KCNMA1: variants seen among roughly 807,000 people sequenced by gnomAD.
KCNMA1 encodes Calcium-activated potassium channel subunit alpha-1.
In KCNMA1, 29 loss-of-function variants were observed where a neutral mutation model predicts 140.0. The observed-to-expected ratio is 0.21, with a 90% confidence interval of 0.15 to 0.28. The LOEUF (loss-of-function observed/expected upper bound fraction) is 0.28, where lower values mean the gene tolerates loss of function less well. Ranked by LOEUF, KCNMA1 falls within the 10% of genes least tolerant of loss-of-function variation. KCNMA1 has a pLI of 1.00. For synonymous variants in KCNMA1, 612 were observed against 611.9 expected, an observed-to-expected ratio of 1.00 and a Z score of 0.00; for missense variants, 880 against 1,602.2, an observed-to-expected ratio of 0.55 and a Z score of 7.70.
intron 2 of KCNMA1, among the ~76,000 whole-genome samples, chr10:77,267,298 C>G (rs1247187434): frequency 6.6e-6 from 1 of 152,080 alleles, no homozygotes; most frequent in Non-Finnish European, 1.5e-5. Flanking sequence ...AGGGAGGACC[C>G]ACTGTCTTCA....
chr10:77,125,319 T>C (rs891374999), intron 5 of KCNMA1, among the ~76,000 whole-genome samples: 1 of 152,192 alleles, frequency 6.6e-6, no homozygotes, highest in East Asian at 1.9e-4. Flanking sequence ...ACCAGCACTA[T>C]CTCCTTTTGG....
intron 1 of KCNMA1, among the ~76,000 whole-genome samples, chr10:77,621,069 G>A (rs186500317): frequency 9.1e-4 from 139 of 152,284 alleles, no homozygotes; most frequent in Admixed American, 1.4e-3. Flanking sequence ...TTCCATGCAC[G>A]GGGTTTGGCA....
chr10:77,304,681 C>G (rs529967772), intron 2 of KCNMA1: 1 of 152,196 alleles, frequency 6.6e-6, no homozygotes, highest in East Asian at 1.9e-4. Context: ...CTTGGTCGTT[C>G]GAAGCCCCTG....
chr10:77,362,694 T>C (rs77867682), intron 2 of KCNMA1, among the ~76,000 whole-genome samples: 1 of 152,144 alleles, frequency 6.6e-6, no homozygotes, highest in Non-Finnish European at 1.5e-5. Flanking sequence ...GACACTAGAA[T>C]TGCTGCCAGT....
intron 1 of KCNMA1, among the ~76,000 whole-genome samples, chr10:77,523,669 G>A (rs891753401): frequency 6.6e-6 from 1 of 152,214 alleles, no homozygotes; most frequent in Non-Finnish European, 1.5e-5. Flanking sequence ...GTTCAGTTTT[G>A]AATATGCATA....
intron 5 of KCNMA1, among the ~76,000 whole-genome samples, chr10:77,135,023 A>AAAAAAAAAAAAAAAAAAAAAAC (rs2097968833): frequency 6.9e-6 from 1 of 145,482 alleles, no homozygotes; most frequent in Non-Finnish European, 1.5e-5. Flanking sequence ...AAAAAAAAAA[A>AAAAAAAAAAAAAAAAAAAAAAC]AAAAAGGAAG....
intron 1 of KCNMA1, among the ~76,000 whole-genome samples, chr10:77,419,255 G>C (rs546548984): frequency 6.6e-6 from 1 of 152,192 alleles, no homozygotes; most frequent in Non-Finnish European, 1.5e-5. Context: ...GCCCTGCAGA[G>C]CAGAGGGACC....
chr10:77,207,377 T>A (rs956409823), intron 3 of KCNMA1, among the ~76,000 whole-genome samples: 2 of 152,242 alleles, frequency 1.3e-5, no homozygotes, highest in Non-Finnish European at 2.9e-5. Context: ...CTCTAGTTCC[T>A]ATTACTAACC....
chr10:77,102,791 G>A (rs2097128233), intron 9 of KCNMA1, among the ~76,000 whole-genome samples: 1 of 152,184 alleles, frequency 6.6e-6, no homozygotes, highest in Non-Finnish European at 1.5e-5. Flanking sequence ...CTCAGTTGCA[G>A]AATCTTAGTC....
intron 1 of KCNMA1, among the ~76,000 whole-genome samples, chr10:77,437,564 G>T (rs1336836080): frequency 6.6e-6 from 1 of 152,098 alleles, no homozygotes. Flanking sequence ...TCACCAAGGG[G>T]AACTTGGTTT....
intron 1 of KCNMA1, among the ~76,000 whole-genome samples, chr10:77,471,749 TCCA>T (rs2098160674): frequency 6.8e-6 from 1 of 147,488 alleles, no homozygotes; most frequent in Non-Finnish European, 1.5e-5. Flanking sequence ...ACACGCATTG[TCCA>T]CACACCATCC....
intron 23 of KCNMA1, among the ~76,000 whole-genome samples, chr10:76,932,194 C>A (rs1220272170): frequency 6.6e-6 from 1 of 152,076 alleles, no homozygotes; most frequent in Non-Finnish European, 1.5e-5. Flanking sequence ...TTTTTCCCAG[C>A]AGATGACAGA....
At position 77,514,620 on chromosome 10, in the gene KCNMA1, C is replaced by T. The variant is rs147797890; in HGVS notation, c.379-110597G>A. Among the ~76,000 whole-genome samples, 559 of 152,248 alleles carry T rather than the reference C, an allele frequency of 3.7e-3. 2 individuals carry two copies. Among genetic ancestry groups the T allele is most frequent in the Admixed American group, 7.1e-3 (109 of 15,298 alleles). On this transcript the variant is annotated intron_variant, in intron 1 of 27. Coordinates refer to ENST00000286628, the MANE Select transcript of KCNMA1 (RefSeq NM_001161352.2). ...AAGGGACCCTGTATTACTGGGTATG[C>T]GGAGAGAGAACCATCTCAGACATTT...
chr10:77,287,574 C>T (rs557315506), intron 2 of KCNMA1, among the ~76,000 whole-genome samples: 1 of 152,218 alleles, frequency 6.6e-6, no homozygotes, highest in East Asian at 1.9e-4. Context: ...AAAGCCAAAA[C>T]TCTAAACACC....
chr10:77,142,854 T>A (rs2098211215), intron 5 of KCNMA1, among the ~76,000 whole-genome samples: 1 of 152,202 alleles, frequency 6.6e-6, no homozygotes, highest in Non-Finnish European at 1.5e-5. Context: ...AAAAATACAA[T>A]TTTCTCCAAC....
chr10:77,039,510 C>T lies in KCNMA1; in HGVS notation c.1859+18G>A. On this transcript the variant is annotated intron_variant, in intron 15 of 27. Transcript: ENST00000286628. Reference sequence around the variant, plus strand: ...ATATCCCTGAAAGCCAAAGAGCATCCAGTTAAAGGTCACTTACTCACAAAC... The same window carrying T: ...ATATCCCTGAAAGCCAAAGAGCATCTAGTTAAAGGTCACTTACTCACAAAC... 7.2e-7 allele frequency: 1 copy of T among 1,395,816 alleles called. No individual in the cohort carries two copies. The highest frequency in any genetic ancestry group is 1.0e-6 in the Non-Finnish European group (1 of 980,502). 86.5% of individuals were successfully genotyped at this position (1,395,816 alleles called of 1,614,324 possible). A position where few individuals can be genotyped will look rare whatever the true frequency, so the allele number is the denominator to read the frequency against.
At chr10:76,873,915 G>C (rs1008454226), downstream of KCNMA1, 1 of 152,172 alleles carries the variant, frequency 6.6e-6, no homozygotes, top group African/African-American at 2.4e-5. Flanking sequence ...TGAGAAGGAA[G>C]ACTGGTTACT....
chr10:77,327,622 T>C (rs1488266518), intron 2 of KCNMA1, among the ~76,000 whole-genome samples: 2 of 152,156 alleles, frequency 1.3e-5, no homozygotes, highest in Non-Finnish European at 2.9e-5. Flanking sequence ...CTCAAAGTGC[T>C]AGGATTACAG....
intron 5 of KCNMA1, among the ~76,000 whole-genome samples, chr10:77,127,258 T>A (rs2097762966): frequency 6.6e-6 from 1 of 151,968 alleles, no homozygotes; most frequent in Non-Finnish European, 1.5e-5. Context: ...ATATCTTTTT[T>A]AAAAAATACG....
Sources: gnomAD v4.1 joint callset for allele counts (sites outside exome capture counted in the v4.1 genomes callset) on GRCh38, gnomAD v4.1.1 for gene constraint, MANE v1.5 for transcripts, NCBI Gene and HGNC (gene_info 2026-07-23, HGNC 2026-07-21) for gene names.